ATXN2L: variants seen among roughly 807,000 people sequenced by gnomAD.
ATXN2L encodes ataxin-2-like protein.
ATXN2L carries 24 observed loss-of-function variants against 120.7 expected under a neutral mutation model. That is an observed-to-expected ratio of 0.20 (90% CI 0.14 to 0.28). The LOEUF (loss-of-function observed/expected upper bound fraction) is 0.28, where lower values mean the gene tolerates loss of function less well. Ranked by LOEUF, ATXN2L falls within the 10% of genes least tolerant of loss-of-function variation. The pLI is 1.00. For synonymous variants in ATXN2L, 653 were observed against 568.1 expected (o/e 1.15, Z -2.13); for missense variants, 1,312 against 1,432.3 (o/e 0.92, Z 1.36).
intron 6 of ATXN2L, among the ~76,000 whole-genome samples, chr16:28,828,296 A>C (rs2052997479): frequency 6.6e-6 from 1 of 152,152 alleles, no homozygotes; most frequent in Non-Finnish European, 1.5e-5. Context: ...GTAATCATTA[A>C]CAGTTGCAGG....
chr16:28,825,960 C>G (rs1298449555), intron 4 of ATXN2L, 119 bp downstream of exon 4: 2 of 1,053,808 alleles, frequency 1.9e-6, no homozygotes, highest in Admixed American at 4.0e-5. Context: ...TTCTGTAGGC[C>G]TGTGCTGAAT....
chr16:28,837,115 T>C lies in ATXN2L; in HGVS notation c.*850T>C, dbSNP rs751958038. On this transcript the variant is annotated 3_prime_UTR_variant, in exon 22 of 22. Coordinates refer to ENST00000336783, the MANE Select transcript of ATXN2L (RefSeq NM_007245.4). Reference sequence around the variant, plus strand: ...CCCTGTTCTTTCTTTCCCATTAACTTGAGTGACCTGTGTGAGAGACAGACA... The same window carrying C: ...CCCTGTTCTTTCTTTCCCATTAACTCGAGTGACCTGTGTGAGAGACAGACA... The C allele has an allele frequency of 9.1e-5, 44 of 485,874 alleles. No individual in the cohort carries two copies. The highest frequency in any genetic ancestry group is 1.5e-4 in the Non-Finnish European group (38 of 253,152). The allele number at this position is 485,874 out of a possible 1,614,324, so 30.1% of individuals were successfully genotyped here.
chr16:28,836,097 C>T lies in ATXN2L; in HGVS notation c.3060C>T (p.Pro1020=), dbSNP rs1369581772. The T allele has an allele frequency of 5.0e-6, 8 of 1,614,010 alleles. No homozygotes were observed. The highest frequency in any genetic ancestry group is 6.8e-6 in the Non-Finnish European group (8 of 1,179,990). ...CACTCTCAGCTTCCACACCCTCACC[C>T]TACCCCTACATCGGACACCCCCAAG... is the stretch of plus-strand genomic sequence containing the variant. ...VPALSASTPS[P]YPYIGHPQGE... The change falls in exon 22 of 22, where the codon CCC becomes CCT. Residue 1020 remains proline, a synonymous_variant. Transcript: ENST00000336783.
At chr16:28,824,212 G>T (rs1280341782) in intron 1 of ATXN2L, 4 of 1,071,898 alleles carry the variant, frequency 3.7e-6, no homozygotes, top group Non-Finnish European at 4.6e-6. Context: ...AACACCTAGG[G>T]CAGGGACTAG....
Position 28,823,134 on chromosome 16 carries a change from C to T in ATXN2L, c.-126C>T. On this transcript the variant is annotated 5_prime_UTR_variant, in exon 1 of 22. Transcript: ENST00000336783. Reference sequence around the variant, plus strand: ...CCACCCCCGACACCGCGGGGCTCCCCCCGCCCGCCCACGGCGGGCCCCGGC... The same window carrying T: ...CCACCCCCGACACCGCGGGGCTCCCTCCGCCCGCCCACGGCGGGCCCCGGC... 1.9e-6 allele frequency: 1 copy of T among 516,706 alleles called. No homozygotes were observed. The highest frequency in any genetic ancestry group is 3.0e-6 in the Non-Finnish European group (1 of 335,082). 32.0% of individuals were successfully genotyped at this position (516,706 alleles called of 1,614,324 possible). A position where few individuals can be genotyped will look rare whatever the true frequency, so the allele number is the denominator to read the frequency against.
At position 28,835,567 on chromosome 16, in the gene ATXN2L, C is replaced by T. The variant is rs764754667; in HGVS notation, c.2704C>T (p.Pro902Ser). 2 of 1,613,636 alleles carry T rather than the reference C, an allele frequency of 1.2e-6. No homozygotes were observed. The highest frequency in any genetic ancestry group is 1.1e-5 in the South Asian group (1 of 91,058). Residue 902 changes from proline (P) to serine (S), a missense_variant, in exon 21 of 22, where the codon CCA becomes TCA. Coordinates refer to ENST00000336783, the MANE Select transcript of ATXN2L (RefSeq NM_007245.4). ...CCAGCAGCATCAGGCGGGGCAGGCCCCACACTTGGGCAGTGGACAGCCACA... is the reference window on the plus strand; with the variant it reads ...CCAGCAGCATCAGGCGGGGCAGGCCTCACACTTGGGCAGTGGACAGCCACA... ...SPVQHQAGQA[P>S]HLGSGQPQQN...
chr16:28,834,651 C>A lies in ATXN2L; in HGVS notation c.2391C>A (p.Gly797=). The change falls in exon 18 of 22, where the codon GGC becomes GGA. Residue 797 remains glycine, a synonymous_variant. Coordinates refer to ENST00000336783, the MANE Select transcript of ATXN2L (RefSeq NM_007245.4). ...CCTACAACCCTCAGCAGTTCCCAGG[C>A]CAGCCAGCCATGATGCAGCCCATGG... ...YIPYNPQQFP[G]QPAMMQPMAH... 1 of 1,613,976 alleles carries A rather than the reference C, an allele frequency of 6.2e-7. No homozygotes were observed.
chr16:28,825,684 A>G lies in ATXN2L; in HGVS notation c.393+4A>G, dbSNP rs1274713653. ...GCATTTCCTTACAGCTGTTGTGGTA[A>G]GTTGGTACTTAACCCCCGGGTTGTT... On this transcript the variant is annotated splice_donor_region_variant and intron_variant, in intron 3 of 21. Transcript: ENST00000336783. 4.3e-6 allele frequency: 7 copies of G among 1,614,050 alleles called. No individual in the cohort carries two copies. The highest frequency in any genetic ancestry group is 4.0e-5 in the African/African-American group (3 of 74,918).
chr16:28,824,932 G>A (rs1596852304), intron 1 of ATXN2L, among the ~76,000 whole-genome samples: 1 of 152,058 alleles, frequency 6.6e-6, no homozygotes, highest in Non-Finnish European at 1.5e-5. Flanking sequence ...TTATTGGCCG[G>A]GCGCAGTGGC....
At chr16:28,825,471 C>A in intron 2 of ATXN2L, 69 bp downstream of exon 2, 1 of 1,561,856 alleles carries the variant, frequency 6.4e-7, no homozygotes, top group Non-Finnish European at 8.8e-7. Flanking sequence ...GAATATAGGG[C>A]ACATTAGGTC....
intron 4 of ATXN2L, 167 bp downstream of exon 4, chr16:28,826,008 T>A: frequency 1.2e-6 from 1 of 826,140 alleles, no homozygotes; most frequent in Non-Finnish European, 1.9e-6. Context: ...GAGGGCTGGG[T>A]ACTTTAATGT....
Position 28,825,679 on chromosome 16 carries a change from T to C in ATXN2L, c.392T>C (p.Val131Ala). Residue 131 changes from valine (V) to alanine (A), a missense_variant and splice_region_variant, in exon 3 of 22, where the codon GTG becomes GCG. Transcript: ENST00000336783. ...SRMLHFLTAV[V>A]GSTCDVKVKN... Reference sequence around the variant, plus strand: ...ATGCTGCATTTCCTTACAGCTGTTGTGGTAAGTTGGTACTTAACCCCCGGG... The same window carrying C: ...ATGCTGCATTTCCTTACAGCTGTTGCGGTAAGTTGGTACTTAACCCCCGGG... The C allele has an allele frequency of 6.2e-7, 1 of 1,614,164 alleles. No individual in the cohort carries two copies. The highest frequency in any genetic ancestry group is 1.1e-5 in the South Asian group (1 of 91,090).
At chr16:28,828,071 G>A (rs72793811) in intron 6 of ATXN2L, among the ~76,000 whole-genome samples, 43,268 of 152,096 alleles carry the variant, frequency 0.28, 7,975 homozygotes, top group Non-Finnish European at 0.39. Context: ...ACACACACAC[G>A]TGTACACAGC....
At chr16:28,826,525 T>C in intron 5 of ATXN2L, 135 bp downstream of exon 5, 1 of 1,040,652 alleles carries the variant, frequency 9.6e-7, no homozygotes, top group South Asian at 1.7e-5. Context: ...TTTAATGCCT[T>C]TTTTTTCCTG....
chr16:28,833,798 G>C (rs1049153321), intron 15 of ATXN2L: 2 of 611,086 alleles, frequency 3.3e-6, no homozygotes. Context: ...TATTGGAGTG[G>C]GGTAGTCATG....
At chr16:28,825,486 T>C (rs1438415251) in intron 2 of ATXN2L, 84 bp downstream of exon 2, 3 of 1,537,262 alleles carry the variant, frequency 2.0e-6, no homozygotes, top group East Asian at 4.5e-5. Flanking sequence ...TAGGTCTAGA[T>C]AGAGTCTAAT....
rs746515176 is a variant in ATXN2L at position 28,836,213 on chromosome 16, G to A, written c.3176G>A (p.Arg1059Lys). The change falls in exon 22 of 22, where the codon AGA becomes AAA. Residue 1059 changes from arginine (R) to lysine (K), a missense_variant. Physicochemically the swap from Arg to Lys is conservative, Grantham distance 26. Coordinates refer to ENST00000336783, the MANE Select transcript of ATXN2L (RefSeq NM_007245.4). ...TTAGCTGGGGGAATTTGGCATGGAA[G>A]AGCTGAGGGGCTGCAGGTGGGGCAG... ...FSLAGGIWHG[R>K]AEGLQVGQDA... The A allele has an allele frequency of 5.6e-6, 9 of 1,614,088 alleles. No homozygotes were observed. The highest frequency in any genetic ancestry group is 5.9e-6 in the Non-Finnish European group (7 of 1,179,974).
chr16:28,825,850 A>G lies in ATXN2L; in HGVS notation c.465+9A>G. 1 of 1,609,636 alleles carries G rather than the reference A, an allele frequency of 6.2e-7. No individual in the cohort carries two copies. The highest frequency in any genetic ancestry group is 8.5e-7 in the Non-Finnish European group (1 of 1,175,974). ...AGACGCTAAGCTCAAAGGTCAGTGT[A>G]CTCAAATTTAATTATTTTTGGAGTT... On this transcript the variant is annotated intron_variant, in intron 4 of 21. Coordinates refer to ENST00000336783, the MANE Select transcript of ATXN2L (RefSeq NM_007245.4).
chr16:28,835,196 T>C lies in ATXN2L; in HGVS notation c.2563+9T>C, dbSNP rs775813605. 5 of 1,609,176 alleles carry C rather than the reference T, an allele frequency of 3.1e-6. No individual in the cohort carries two copies. The South Asian group carries it at 5.5e-5, about 18-fold the overall frequency. Reference sequence around the variant, plus strand: ...CCCCCAAGCCCTTTATGGTGAGTCCTGCGCCTGGTCCCTCTGCTCTGGGCT... The same window carrying C: ...CCCCCAAGCCCTTTATGGTGAGTCCCGCGCCTGGTCCCTCTGCTCTGGGCT... On this transcript the variant is annotated intron_variant, in intron 19 of 21. Transcript: ENST00000336783.
Sources: gnomAD v4.1 joint callset for allele counts (sites outside exome capture counted in the v4.1 genomes callset) on GRCh38, gnomAD v4.1.1 for gene constraint, MANE v1.5 for transcripts, NCBI Gene and HGNC (gene_info 2026-07-23, HGNC 2026-07-21) for gene names.